PLCG2: variants seen among roughly 807,000 people sequenced by gnomAD.
The protein encoded by PLCG2 is phospholipase C gamma 2, also known as 1-phosphatidylinositol 4,5-bisphosphate phosphodiesterase gamma-2.
PLCG2 carries 69 observed loss-of-function variants against 175.6 expected under a neutral mutation model. That is an observed-to-expected ratio of 0.39 (90% confidence interval 0.32 to 0.48). The LOEUF (loss-of-function observed/expected upper bound fraction) is 0.48. Among genes scored for constraint, PLCG2 ranks in the 20% least tolerant of loss-of-function variants. PLCG2 has a pLI of 0.91. For synonymous variants in PLCG2, 827 were observed against 624.0 expected (o/e 1.33, Z -4.85); for missense variants, 1,798 against 1,650.9 (o/e 1.09, Z -1.54).
chr16:81,888,478 C>T (rs988644465), intron 9 of PLCG2, among the ~76,000 whole-genome samples: 3 of 152,208 alleles, frequency 2.0e-5, no homozygotes, highest in African/African-American at 4.8e-5. Context: ...CCACCCGCCT[C>T]GGCCTACCAA....
intron 2 of PLCG2, among the ~76,000 whole-genome samples, chr16:81,791,121 G>T (rs1211211171): frequency 6.6e-6 from 1 of 152,206 alleles, no homozygotes; most frequent in African/African-American, 2.4e-5. Context: ...AGAGAGGGAG[G>T]AGGAGGATGG....
intron 2 of PLCG2, chr16:81,767,864 C>T (rs764889451): frequency 3.3e-5 from 5 of 152,210 alleles, no homozygotes; most frequent in African/African-American, 7.2e-5. Context: ...TGTTTATAAC[C>T]TTTAATGCTG....
chr16:81,961,135 T>G lies in PLCG2; in HGVS notation c.*3137T>G, dbSNP rs935526762. The G allele has an allele frequency of 4.3e-6, 1 of 230,938 alleles. No individual in the cohort carries two copies. Among genetic ancestry groups the G allele is most frequent in the Non-Finnish European group, 8.6e-6 (1 of 116,662 alleles). 14.3% of individuals were successfully genotyped at this position (230,938 alleles called of 1,614,324 possible). A position where few individuals can be genotyped will look rare whatever the true frequency, so the allele number is the denominator to read the frequency against. ...TTTCAACAAAGTGGGAGGAACAGCC[T>G]GTAGATTTCTGAGTCTCTTAGCATG... On this transcript the variant is annotated 3_prime_UTR_variant, in exon 33 of 33. Coordinates refer to ENST00000564138, the MANE Select transcript of PLCG2 (RefSeq NM_002661.5).
chr16:81,781,706 C>G (rs911720956), intron 1 of PLCG2, among the ~76,000 whole-genome samples: 1 of 152,170 alleles, frequency 6.6e-6, no homozygotes, highest in Admixed American at 6.5e-5. Context: ...TGGAGGGGCC[C>G]TTACCACTCA....
intron 22 of PLCG2, among the ~76,000 whole-genome samples, chr16:81,925,898 A>G (rs1033637494): frequency 2.0e-5 from 3 of 152,086 alleles, no homozygotes; most frequent in African/African-American, 7.2e-5. Context: ...AAAAAAAAAA[A>G]AAAAAATCCA....
At chr16:81,794,159 C>G (rs1290772321) in intron 2 of PLCG2, among the ~76,000 whole-genome samples, 1 of 152,008 alleles carries the variant, frequency 6.6e-6, no homozygotes, top group South Asian at 2.1e-4. Flanking sequence ...TGGGGAGATG[C>G]TAGGAAAAGA....
At chr16:81,878,506 C>T (rs1286186713) in intron 7 of PLCG2, among the ~76,000 whole-genome samples, 4 of 152,182 alleles carry the variant, frequency 2.6e-5, no homozygotes, top group African/African-American at 9.7e-5. Flanking sequence ...TCCTTGATCA[C>T]CTGTGCCCCA....
chr16:81,847,441 G>A (rs895492096), intron 2 of PLCG2, among the ~76,000 whole-genome samples: 1 of 151,966 alleles, frequency 6.6e-6, no homozygotes, highest in East Asian at 1.9e-4. Context: ...TGGGGGTAGG[G>A]CTGAAAGTTC....
At chr16:81,774,628 T>A (rs6564915), upstream of PLCG2, among the ~76,000 whole-genome samples, 4 of 151,552 alleles carry the variant, frequency 2.6e-5, no homozygotes, top group African/African-American at 4.9e-5. Flanking sequence ...GGTAGAGGGG[T>A]AGGGTTGGCG....
At chr16:81,796,909 C>T (rs553795046) in intron 2 of PLCG2, among the ~76,000 whole-genome samples, 83 of 152,286 alleles carry the variant, frequency 5.5e-4, no homozygotes, top group African/African-American at 1.9e-3. Flanking sequence ...GCCTAACACA[C>T]AAATACACTC....
chr16:81,773,573 C>G (rs1331921845), intron 2 of PLCG2, among the ~76,000 whole-genome samples: 1 of 152,120 alleles, frequency 6.6e-6, no homozygotes, highest in African/African-American at 2.4e-5. Flanking sequence ...AACTGGCTGT[C>G]TTGATTTTAC....
intron 5 of PLCG2, among the ~76,000 whole-genome samples, chr16:81,867,122 G>A (rs1056779147): frequency 1.3e-5 from 2 of 152,228 alleles, no homozygotes; most frequent in Admixed American, 1.3e-4. Flanking sequence ...AGGAAAGGCT[G>A]GAGGTGGGGA....
intron 2 of PLCG2, among the ~76,000 whole-genome samples, chr16:81,815,315 C>G (rs1310009025): frequency 6.6e-6 from 1 of 152,154 alleles, no homozygotes. Flanking sequence ...CAAGGGGTCT[C>G]AGCCTCAGCA....
Position 81,876,111 on chromosome 16 carries a change from G to T in PLCG2, c.649-4799G>T, listed in dbSNP as rs148072397. ...TACAATCATGGCTCACTGCAGCCTCGAACTCCCTGGCTCAGATGATTCTCC... is the reference window on the plus strand; with the variant it reads ...TACAATCATGGCTCACTGCAGCCTCTAACTCCCTGGCTCAGATGATTCTCC... On this transcript the variant is annotated intron_variant, in intron 7 of 32. Transcript: ENST00000564138. Among the ~76,000 whole-genome samples the T allele has an allele frequency of 2.8e-3, 395 of 142,562 alleles. 3 individuals carry two copies. The highest frequency in any genetic ancestry group is 9.8e-3 in the African/African-American group (378 of 38,678). The allele number at this position is 142,562 out of a possible 152,430, so 93.5% of individuals were successfully genotyped here.
chr16:81,829,866 G>T (rs867372728), intron 2 of PLCG2, among the ~76,000 whole-genome samples: 11 of 151,934 alleles, frequency 7.2e-5, no homozygotes, highest in South Asian at 4.2e-4. Context: ...CTCTGAGTGG[G>T]GGGGCGTGTG....
chr16:81,873,856 A>G (rs545763901), intron 7 of PLCG2, among the ~76,000 whole-genome samples: 1 of 152,218 alleles, frequency 6.6e-6, no homozygotes, highest in African/African-American at 2.4e-5. Context: ...GATGGTTTCC[A>G]CTGTGGTAAC....
chr16:81,806,650 A>C (rs1415379820), intron 2 of PLCG2, among the ~76,000 whole-genome samples: 1 of 151,970 alleles, frequency 6.6e-6, no homozygotes, highest in Non-Finnish European at 1.5e-5. Flanking sequence ...TAACTGAGTA[A>C]ATTTTTATAT....
At chr16:81,787,978 C>G (rs958982799) in intron 2 of PLCG2, among the ~76,000 whole-genome samples, 2 of 152,130 alleles carry the variant, frequency 1.3e-5, no homozygotes, top group East Asian at 3.8e-4. Flanking sequence ...TTGACGGACC[C>G]TTGGGTTGTT....
intron 2 of PLCG2, among the ~76,000 whole-genome samples, chr16:81,811,329 T>G (rs530152905): frequency 1.5e-4 from 23 of 152,056 alleles, no homozygotes; most frequent in Non-Finnish European, 2.9e-4. Flanking sequence ...TATGAGCACT[T>G]TGGTTGGCAG....
Sources: allele counts gnomAD v4.1 joint callset (sites outside exome capture counted in the v4.1 genomes callset), GRCh38; gene constraint gnomAD v4.1.1; transcripts MANE v1.5; gene names NCBI Gene and HGNC (gene_info 2026-07-23, HGNC 2026-07-21).